Variants in CCDC7 observed in about 807,000 individuals in gnomAD.
The protein encoded by CCDC7 is coiled-coil domain containing 7, also known as coiled-coil domain-containing protein 7.
CCDC7 carries 183 observed loss-of-function variants against 196.9 expected under a neutral mutation model. The observed-to-expected ratio is 0.93, with a 90% CI of 0.82 to 1.05. CCDC7 has a LOEUF of 1.05. Among genes scored for constraint, CCDC7 ranks in the 50% least tolerant of loss-of-function variants. The probability of loss-of-function intolerance (pLI) is 0.00; values close to 1 mark genes in which losing one functional copy is unlikely to be tolerated. For missense variants in CCDC7, 1,540 were observed against 1,482.2 expected (o/e 1.04, Z -0.64); for synonymous variants, 525 against 484.6 (o/e 1.08, Z -1.10).
chr10:32,830,754 A>G (rs1296089202), intron 32 of CCDC7, among the ~76,000 whole-genome samples: 2 of 152,224 alleles, frequency 1.3e-5, no homozygotes, highest in Admixed American at 1.3e-4. Flanking sequence ...CTGTAAATTT[A>G]AAGTAATAGG....
intron 8 of CCDC7, among the ~76,000 whole-genome samples, chr10:32,474,233 T>A (rs200271374): frequency 1.6e-5 from 2 of 128,418 alleles, no homozygotes; most frequent in East Asian, 2.3e-4. Context: ...TTTTTTTTTT[T>A]TTTTTTTGGA....
chr10:32,646,576 A>AT (rs1052541301), intron 20 of CCDC7, among the ~76,000 whole-genome samples: 15 of 151,988 alleles, frequency 9.9e-5, no homozygotes, highest in Non-Finnish European at 1.9e-4. Flanking sequence ...GTATATTTTC[A>AT]TTTTTTTATT....
At chr10:32,469,409 T>C (rs1347311465) in intron 5 of CCDC7, among the ~76,000 whole-genome samples, 1 of 152,218 alleles carries the variant, frequency 6.6e-6, no homozygotes, top group East Asian at 1.9e-4. Context: ...GATGCAGAAC[T>C]TCTGAAGAGG....
chr10:32,755,916 C>T (rs544942102), intron 28 of CCDC7, among the ~76,000 whole-genome samples: 54 of 152,100 alleles, frequency 3.6e-4, no homozygotes, highest in South Asian at 8.3e-4. Context: ...CCTTAAATGA[C>T]GTGATGGAGC....
intron 25 of CCDC7, among the ~76,000 whole-genome samples, chr10:32,716,863 A>T (rs900513372): frequency 2.0e-5 from 3 of 152,226 alleles, no homozygotes; most frequent in African/African-American, 7.2e-5. Flanking sequence ...CTAAATATAT[A>T]TGCTCCCAAT....
chr10:32,698,866 A>G (rs762393440), intron 24 of CCDC7, among the ~76,000 whole-genome samples: 1 of 152,096 alleles, frequency 6.6e-6, no homozygotes, highest in Non-Finnish European at 1.5e-5. Context: ...CCACAAAGTT[A>G]CTCCTCGAGA....
intron 28 of CCDC7, among the ~76,000 whole-genome samples, chr10:32,744,748 A>G (rs1026814103): frequency 6.6e-6 from 1 of 152,106 alleles, no homozygotes. Flanking sequence ...TTGCAATGTA[A>G]TTTCCCAACC....
chr10:32,509,529 A>C (rs2045775821), intron 9 of CCDC7, among the ~76,000 whole-genome samples: 1 of 151,704 alleles, frequency 6.6e-6, no homozygotes. Context: ...AAAAAAAAAA[A>C]ACAGGAAAAA....
chr10:32,623,265 T>TA (rs2139206527), intron 18 of CCDC7, among the ~76,000 whole-genome samples: 1 of 152,330 alleles, frequency 6.6e-6, no homozygotes, highest in South Asian at 2.1e-4. Context: ...AAATGTTTTA[T>TA]AAAAATTATC....
chr10:32,582,390 C>T (rs572522822), intron 16 of CCDC7, among the ~76,000 whole-genome samples: 2 of 151,778 alleles, frequency 1.3e-5, no homozygotes, highest in Admixed American at 1.3e-4. Context: ...TTTCATAGGA[C>T]TAGGAAAGCT....
intron 26 of CCDC7, 75 bp from the exon 28 acceptor site, chr10:32,728,809 AAAT>A: frequency 1.4e-6 from 1 of 724,400 alleles, no homozygotes; most frequent in Non-Finnish European, 2.1e-6. Flanking sequence ...AACTTTATAA[AAAT>A]AAGAGAAATG....
At chr10:32,536,747 A>G (rs182360920) in intron 11 of CCDC7, among the ~76,000 whole-genome samples, 5 of 152,192 alleles carry the variant, frequency 3.3e-5, no homozygotes, top group Admixed American at 3.3e-4. Context: ...TCCCCCTTAT[A>G]AGTAAGATCA....
chr10:32,458,959 A>G (rs2034988065), intron 3 of CCDC7, among the ~76,000 whole-genome samples: 1 of 151,788 alleles, frequency 6.6e-6, no homozygotes, highest in African/African-American at 2.4e-5. Context: ...GTCTTCTTTA[A>G]TTTCTTTCAT....
At chr10:32,625,656 A>G (rs76263617) in intron 18 of CCDC7, among the ~76,000 whole-genome samples, 1 of 152,206 alleles carries the variant, frequency 6.6e-6, no homozygotes, top group Non-Finnish European at 1.5e-5. Context: ...ACCATGCTGT[A>G]CAGTAGATAT....
intron 30 of CCDC7, among the ~76,000 whole-genome samples, chr10:32,805,460 A>C (rs920333508): frequency 1.3e-5 from 2 of 152,242 alleles, no homozygotes; most frequent in African/African-American, 4.8e-5. Context: ...TGATGAGTGC[A>C]ATAAGTAAAG....
At chr10:32,753,687 C>T (rs1212777548) in intron 28 of CCDC7, among the ~76,000 whole-genome samples, 4 of 152,098 alleles carry the variant, frequency 2.6e-5, no homozygotes, top group African/African-American at 7.2e-5. Flanking sequence ...ACTCTTCTTT[C>T]GCTCTTGCTA....
chr10:32,528,758 G>T (rs61856037), intron 11 of CCDC7, among the ~76,000 whole-genome samples: 1 of 145,188 alleles, frequency 6.9e-6, no homozygotes, highest in Admixed American at 6.9e-5. Flanking sequence ...ACATATATAC[G>T]TATTTACATA....
At chr10:32,748,135 C>G (rs1195119592) in intron 28 of CCDC7, among the ~76,000 whole-genome samples, 1 of 152,166 alleles carries the variant, frequency 6.6e-6, no homozygotes, top group Non-Finnish European at 1.5e-5. Context: ...ACCACATGTT[C>G]TCACTTATAA....
chr10:32,477,444 G>T (rs1234084645), intron 8 of CCDC7, among the ~76,000 whole-genome samples: 3 of 151,626 alleles, frequency 2.0e-5, no homozygotes, highest in Non-Finnish European at 4.4e-5. Flanking sequence ...CTCGTGATCC[G>T]CCTGCCTCAG....
Sources: allele counts gnomAD v4.1 joint callset (sites outside exome capture counted in the v4.1 genomes callset), GRCh38; gene constraint gnomAD v4.1.1; transcripts MANE v1.5; gene names NCBI Gene and HGNC (gene_info 2026-07-23, HGNC 2026-07-21).